ATP8A2: variants seen among roughly 807,000 people sequenced by gnomAD.
ATP8A2 encodes the protein ATPase phospholipid transporting 8A2, also known as phospholipid-transporting ATPase IB.
ATP8A2 carries 100 observed loss-of-function variants against 165.6 expected under a neutral mutation model. The observed-to-expected ratio is 0.60, with a 90% CI of 0.51 to 0.71. The LOEUF is 0.71. ATP8A2 is among the 30% of genes least tolerant of loss of function. The pLI, the probability that ATP8A2 is intolerant of heterozygous loss-of-function variation, is 0.00. For synonymous variants in ATP8A2, 543 were observed against 548.8 expected, an observed-to-expected ratio of 0.99 and a Z score of 0.15; for missense variants, 1,227 against 1,479.5, an observed-to-expected ratio of 0.83 and a Z score of 2.80.
At chr13:25,816,080 G>A (rs570354306) in intron 27 of ATP8A2, among the ~76,000 whole-genome samples, 128 of 152,290 alleles carry the variant, frequency 8.4e-4, no homozygotes, top group African/African-American at 2.9e-3. Context: ...AAGTCCTGGA[G>A]ATGGATGATG....
At chr13:25,479,098 G>A (rs980624547) in intron 2 of ATP8A2, among the ~76,000 whole-genome samples, 5 of 152,094 alleles carry the variant, frequency 3.3e-5, no homozygotes, top group African/African-American at 9.6e-5. Context: ...TGCCCTCCTC[G>A]GCCTCCCAAA....
At chr13:25,954,018 C>T (rs1955453142) in intron 33 of ATP8A2, among the ~76,000 whole-genome samples, 1 of 152,116 alleles carries the variant, frequency 6.6e-6, no homozygotes. Context: ...CCGTTCACTT[C>T]CCTGGAAAGG....
chr13:25,808,867 A>G (rs933397027), intron 27 of ATP8A2, among the ~76,000 whole-genome samples: 1 of 152,144 alleles, frequency 6.6e-6, no homozygotes, highest in Admixed American at 6.5e-5. Flanking sequence ...ATAAACAGAG[A>G]TTACTTGAGA....
At chr13:25,675,621 T>C (rs937095032) in intron 24 of ATP8A2, among the ~76,000 whole-genome samples, 1 of 152,254 alleles carries the variant, frequency 6.6e-6, no homozygotes, top group African/African-American at 2.4e-5. Context: ...CATTACACTC[T>C]AAGTAGCAAG....
chr13:25,898,158 T>C (rs1267372168), intron 33 of ATP8A2, among the ~76,000 whole-genome samples: 1 of 152,202 alleles, frequency 6.6e-6, no homozygotes, highest in Non-Finnish European at 1.5e-5. Context: ...CTTTTGGTTT[T>C]ATCTACCTTT....
At chr13:25,536,674 A>C (rs2038296376) in intron 6 of ATP8A2, among the ~76,000 whole-genome samples, 1 of 152,226 alleles carries the variant, frequency 6.6e-6, no homozygotes, top group Non-Finnish European at 1.5e-5. Flanking sequence ...AGAGAATAGT[A>C]ACATGGCTAG....
chr13:25,378,293 T>C (rs2032710229), intron 1 of ATP8A2, among the ~76,000 whole-genome samples: 1 of 152,190 alleles, frequency 6.6e-6, no homozygotes. Flanking sequence ...TATCATATAA[T>C]ATTTCATGCT....
intron 27 of ATP8A2, among the ~76,000 whole-genome samples, chr13:25,792,375 GT>G (rs1451495892): frequency 6.6e-6 from 1 of 152,176 alleles, no homozygotes; most frequent in Non-Finnish European, 1.5e-5. Context: ...CTTTCTGCAG[GT>G]GGTTAGTTGT....
intron 13 of ATP8A2, among the ~76,000 whole-genome samples, chr13:25,555,459 G>A (rs761645521): frequency 6.6e-6 from 1 of 152,038 alleles, no homozygotes; most frequent in East Asian, 1.9e-4. Context: ...TGCATTTCTC[G>A]CATGTTCCGA....
intron 24 of ATP8A2, among the ~76,000 whole-genome samples, chr13:25,614,960 C>T (rs1022651813): frequency 6.6e-6 from 1 of 152,172 alleles, no homozygotes; most frequent in Non-Finnish European, 1.5e-5. Context: ...TTGTTTAGTG[C>T]ACTTGTTGGC....
intron 24 of ATP8A2, among the ~76,000 whole-genome samples, chr13:25,594,900 A>G (rs769980787): frequency 2.0e-5 from 3 of 151,956 alleles, no homozygotes; most frequent in Non-Finnish European, 2.9e-5. Flanking sequence ...TTATAGCAGC[A>G]CAATTCACAG....
chr13:25,767,187 T>C (rs1344525119), intron 25 of ATP8A2, among the ~76,000 whole-genome samples: 1 of 152,240 alleles, frequency 6.6e-6, no homozygotes, highest in Non-Finnish European at 1.5e-5. Context: ...AGATCAGCCC[T>C]TGGCTTTAAG....
chr13:25,781,949 A>C (rs1369192757), intron 27 of ATP8A2, among the ~76,000 whole-genome samples: 1 of 152,230 alleles, frequency 6.6e-6, no homozygotes, highest in African/African-American at 2.4e-5. Context: ...TCTATGTCCT[A>C]CTAGTAACCC....
Position 25,580,674 on chromosome 13 carries a change from C to T in ATP8A2, c.2007+727C>T, listed in dbSNP as rs1462985068. On this transcript the variant is annotated intron_variant, in intron 22 of 36. Transcript: ENST00000381655. ...TCAGCCTTCTGAATAGCTGGGACTA[C>T]AGTCTCATGCTACCATGACTGGCTA... Among the ~76,000 whole-genome samples the T allele has an allele frequency of 2.0e-5, 3 of 152,264 alleles. No individual in the cohort carries two copies. In the East Asian group the frequency reaches 5.8e-4, roughly 29 times the overall value.
At chr13:25,418,738 A>G (rs1316497569) in intron 1 of ATP8A2, among the ~76,000 whole-genome samples, 1 of 152,212 alleles carries the variant, frequency 6.6e-6, no homozygotes, top group Non-Finnish European at 1.5e-5. Flanking sequence ...CACAATTCGC[A>G]GAGCTCAGAC....
At position 25,581,097 on chromosome 13, in the gene ATP8A2, G is replaced by T. The variant is rs748733073; in HGVS notation, c.2008-722G>T. Among the ~76,000 whole-genome samples, 8 of 152,190 alleles carry T rather than the reference G, an allele frequency of 5.3e-5. 1 individual carries two copies. Among genetic ancestry groups the T allele is most frequent in the Admixed American group, 2.0e-4 (3 of 15,272 alleles). ...AAAAAGGTGATTAAATAGGTGATGT[G>T]CCTGTGGTGGATGCTCAAGAGTTGG... On this transcript the variant is annotated intron_variant, in intron 22 of 36. Coordinates refer to ENST00000381655, the MANE Select transcript of ATP8A2 (RefSeq NM_016529.6).
intron 33 of ATP8A2, among the ~76,000 whole-genome samples, chr13:25,912,173 C>G (rs957195907): frequency 4.0e-4 from 58 of 146,596 alleles, no homozygotes; most frequent in African/African-American, 1.5e-3. Context: ...CACACACACA[C>G]ACACACACAC....
intron 35 of ATP8A2, among the ~76,000 whole-genome samples, chr13:26,008,713 GA>G (rs1311464200): frequency 5.3e-5 from 8 of 152,286 alleles, no homozygotes; most frequent in African/African-American, 1.9e-4. Flanking sequence ...CAACCAGAAG[GA>G]AAAGACAGAT....
At chr13:25,583,275 A>G (rs192559766) in intron 23 of ATP8A2, among the ~76,000 whole-genome samples, 2 of 152,304 alleles carry the variant, frequency 1.3e-5, no homozygotes, top group East Asian at 3.9e-4. Flanking sequence ...AACACCTGCT[A>G]TGGATCTGTG....
Sources: gnomAD v4.1 joint callset for allele counts (sites outside exome capture counted in the v4.1 genomes callset) on GRCh38, gnomAD v4.1.1 for gene constraint, MANE v1.5 for transcripts, NCBI Gene and HGNC (gene_info 2026-07-23, HGNC 2026-07-21) for gene names.